MAP2K4: variants seen among roughly 807,000 people sequenced by gnomAD.
MAP2K4 encodes the protein dual specificity mitogen-activated protein kinase kinase 4.
A neutral mutation model predicts 48.5 loss-of-function variants in MAP2K4; 4 were observed. The ratio of observed to expected loss-of-function variants is 0.08; its 90% CI spans 0.04 to 0.19. The LOEUF (loss-of-function observed/expected upper bound fraction) is 0.19. MAP2K4 is among the 10% of genes least tolerant of loss of function. The probability of loss-of-function intolerance (pLI) is 1.00; values close to 1 mark genes in which losing one functional copy is unlikely to be tolerated. For missense variants in MAP2K4, 258 were observed against 493.3 expected (o/e 0.52, Z 4.52); for synonymous variants, 166 against 173.1 (o/e 0.96, Z 0.32).
intron 1 of MAP2K4, among the ~76,000 whole-genome samples, chr17:12,043,336 T>G (rs996417971): frequency 6.6e-6 from 1 of 152,192 alleles, no homozygotes; most frequent in African/African-American, 2.4e-5. Context: ...ATTGACACCT[T>G]GAGGTGTTTT....
intron 1 of MAP2K4, among the ~76,000 whole-genome samples, chr17:12,041,887 C>T (rs1247676113): frequency 6.6e-6 from 1 of 152,110 alleles, no homozygotes; most frequent in Non-Finnish European, 1.5e-5. Context: ...GGTCAGAAGT[C>T]ATGCCGATGG....
rs1973447806 is a variant in MAP2K4 at position 12,143,775 on chromosome 17, A to G, written c.*2515A>G. 2 of 228,890 alleles carry G rather than the reference A, an allele frequency of 8.7e-6. No individual in the cohort carries two copies. Among genetic ancestry groups the G allele is most frequent in the Admixed American group, 1.1e-4 (2 of 17,646 alleles). 14.2% of individuals were successfully genotyped at this position (228,890 alleles called of 1,614,324 possible). A position where few individuals can be genotyped will look rare whatever the true frequency, so the allele number is the denominator to read the frequency against. On this transcript the variant is annotated 3_prime_UTR_variant, in exon 11 of 11. Transcript: ENST00000353533. ...TTCTGAAATCAGACCCTGAGAGGGG[A>G]AAATCTTAAAGTAAATTACATTAAA... is the stretch of plus-strand genomic sequence containing the variant.
chr17:12,096,067 T>TTCCCCCCCCC (rs1971741460), intron 4 of MAP2K4, among the ~76,000 whole-genome samples: 1 of 23,760 alleles, frequency 4.2e-5, no homozygotes, highest in Non-Finnish European at 8.1e-5. Context: ...GAGCAACGCC[T>TTCCCCCCCCC]CCCCCCCCCC....
chr17:12,077,616 T>C (rs1174426783), intron 2 of MAP2K4, among the ~76,000 whole-genome samples: 1 of 152,184 alleles, frequency 6.6e-6, no homozygotes, highest in Non-Finnish European at 1.5e-5. Context: ...AGTCATTACC[T>C]ACATTCCAGG....
chr17:12,111,858 C>T (rs1972317534), intron 6 of MAP2K4, among the ~76,000 whole-genome samples: 1 of 152,204 alleles, frequency 6.6e-6, no homozygotes, highest in East Asian at 1.9e-4. Context: ...CTTCTGTCCT[C>T]CTTCATGTGT....
chr17:12,119,123 G>A (rs1349300063), intron 7 of MAP2K4, among the ~76,000 whole-genome samples: 1 of 152,128 alleles, frequency 6.6e-6, no homozygotes, highest in African/African-American at 2.4e-5. Context: ...GTGATAATGA[G>A]GATGATGTTA....
intron 10 of MAP2K4, among the ~76,000 whole-genome samples, 185 bp downstream of exon 10, chr17:12,140,069 A>C (rs931965191): frequency 2.0e-5 from 3 of 152,212 alleles, no homozygotes; most frequent in Non-Finnish European, 1.5e-5. Flanking sequence ...TAATTTTTCT[A>C]CTAATACTAG....
intron 7 of MAP2K4, among the ~76,000 whole-genome samples, chr17:12,122,509 A>G (rs1025057764): frequency 6.6e-6 from 1 of 152,222 alleles, no homozygotes; most frequent in Non-Finnish European, 1.5e-5. Context: ...CTATTATTAT[A>G]TAGAAATACA....
intron 1 of MAP2K4, among the ~76,000 whole-genome samples, chr17:12,053,967 T>C (rs907749498): frequency 3.9e-5 from 6 of 152,196 alleles, no homozygotes; most frequent in African/African-American, 1.4e-4. Context: ...AAGGTGAATG[T>C]GAAACCAAGA....
chr17:12,081,659 C>A lies in MAP2K4; in HGVS notation c.393+129C>A. The A allele has an allele frequency of 1.1e-6, 1 of 870,582 alleles. No individual in the cohort carries two copies. The highest frequency in any genetic ancestry group is 1.8e-6 in the Non-Finnish European group (1 of 561,168). 53.9% of individuals were successfully genotyped at this position (870,582 alleles called of 1,614,324 possible). A position where few individuals can be genotyped will look rare whatever the true frequency, so the allele number is the denominator to read the frequency against. On this transcript the variant is annotated intron_variant, in intron 3 of 10. Transcript: ENST00000353533. The surrounding 1 kb of genome is among the most constrained non-coding windows in gnomAD (Gnocchi z 4.2). ...GGTGTTTAAAAAATTGTTTCTCCAA[C>A]TCCTTTGAGGGTGTTCTGTGTAGAG... is the stretch of plus-strand genomic sequence containing the variant.
chr17:12,041,902 T>C (rs1357212452), intron 1 of MAP2K4, among the ~76,000 whole-genome samples: 1 of 152,160 alleles, frequency 6.6e-6, no homozygotes, highest in Non-Finnish European at 1.5e-5. Context: ...CGATGGAGGC[T>C]GGGCGTGGTG....
intron 2 of MAP2K4, among the ~76,000 whole-genome samples, chr17:12,080,748 T>C (rs1971163353): frequency 6.6e-6 from 1 of 152,188 alleles, no homozygotes; most frequent in African/African-American, 2.4e-5. Context: ...TTCCCAAACA[T>C]TACTGGAATC....
intron 3 of MAP2K4, among the ~76,000 whole-genome samples, chr17:12,095,061 T>G (rs1049280079): frequency 6.6e-6 from 1 of 152,184 alleles, no homozygotes; most frequent in African/African-American, 2.4e-5. Context: ...AGTATTCACT[T>G]TATCCGGTTC....
Position 12,125,279 on chromosome 17 carries a change from G to A in MAP2K4, c.814-15G>A, listed in dbSNP as rs752714427. The A allele has an allele frequency of 1.9e-6, 3 of 1,606,474 alleles. No homozygotes were observed. Among genetic ancestry groups the A allele is most frequent in the Non-Finnish European group, 2.6e-6 (3 of 1,173,274 alleles). The stretch of plus-strand genomic sequence containing the variant: ...GTAAGGCAATTAATAACTTACACTT[G>A]TCTTTATGTTCCAGCCTGAAAGAAT... On this transcript the variant is annotated splice_polypyrimidine_tract_variant and intron_variant, in intron 7 of 10. Coordinates refer to ENST00000353533, the MANE Select transcript of MAP2K4 (RefSeq NM_003010.4).
intron 9 of MAP2K4, among the ~76,000 whole-genome samples, chr17:12,130,129 G>C (rs1263966362): frequency 1.3e-5 from 2 of 151,976 alleles, no homozygotes; most frequent in Non-Finnish European, 2.9e-5. Context: ...CTAAGAATGC[G>C]GTTTCTCCTC....
At chr17:12,100,871 C>T (rs1381809224) in intron 4 of MAP2K4, among the ~76,000 whole-genome samples, 1 of 152,064 alleles carries the variant, frequency 6.6e-6, no homozygotes, top group Non-Finnish European at 1.5e-5. Context: ...GATGAAGTTC[C>T]TGTTAAAATC....
At chr17:12,103,680 C>G (rs913621483) in intron 4 of MAP2K4, among the ~76,000 whole-genome samples, 3 of 152,076 alleles carry the variant, frequency 2.0e-5, no homozygotes, top group Non-Finnish European at 4.4e-5. Context: ...TTGTTTAGGT[C>G]ATCCATATGT....
chr17:12,107,964 G>T, intron 5 of MAP2K4, 55 bp downstream of exon 5: 1 of 1,414,286 alleles, frequency 7.1e-7, no homozygotes. Flanking sequence ...TAGAGATGCT[G>T]CTGGAGTTTT....
intron 3 of MAP2K4, among the ~76,000 whole-genome samples, chr17:12,088,728 G>GTAC (rs1422831941): frequency 1.3e-5 from 2 of 149,948 alleles, no homozygotes; most frequent in African/African-American, 4.9e-5. Context: ...GTTTGCTCAT[G>GTAC]TACTAGTTCT....
Sources: allele counts gnomAD v4.1 joint callset (sites outside exome capture counted in the v4.1 genomes callset), GRCh38; gene constraint gnomAD v4.1.1; non-coding constraint Gnocchi (gnomAD v3.1); transcripts MANE v1.5; gene names NCBI Gene and HGNC (gene_info 2026-07-23, HGNC 2026-07-21).